SUFU: variants seen among roughly 807,000 people sequenced by gnomAD.
SUFU encodes the protein suppressor of fused homolog.
A neutral mutation model predicts 58.9 loss-of-function variants in SUFU; 7 were observed. The observed-to-expected ratio is 0.12, with a 90% CI of 0.07 to 0.22. The LOEUF (loss-of-function observed/expected upper bound fraction) is 0.22, where lower values mean the gene tolerates loss of function less well. Ranked by LOEUF, SUFU falls within the 10% of genes least tolerant of loss-of-function variation. SUFU has a pLI of 1.00. For synonymous variants in SUFU, 232 were observed against 254.8 expected, an observed-to-expected ratio of 0.91 and a Z score of 0.85; for missense variants, 451 against 641.3, an observed-to-expected ratio of 0.70 and a Z score of 3.20.
intron 2 of SUFU, among the ~76,000 whole-genome samples, chr10:102,532,989 G>A (rs2062693046): frequency 6.6e-6 from 1 of 152,180 alleles, no homozygotes; most frequent in Admixed American, 6.5e-5. Context: ...AGTGAAGGAT[G>A]CAGAAGGCTA....
chr10:102,546,104 A>ACC (rs2062851965), intron 2 of SUFU, among the ~76,000 whole-genome samples: 1 of 152,182 alleles, frequency 6.6e-6, no homozygotes, highest in Non-Finnish European at 1.5e-5. Context: ...TCTGATGGTC[A>ACC]GGCTGTTGTG....
chr10:102,536,701 A>C (rs1317738602), intron 2 of SUFU, among the ~76,000 whole-genome samples: 1 of 152,008 alleles, frequency 6.6e-6, no homozygotes, highest in Non-Finnish European at 1.5e-5. Context: ...CTCACATTTA[A>C]AATTTCGTAT....
intron 3 of SUFU, chr10:102,573,002 T>C (rs142145713): frequency 1.6e-6 from 2 of 1,282,620 alleles, no homozygotes; most frequent in Non-Finnish European, 2.2e-6. Context: ...AACTTGATGA[T>C]AGCATAGTGG....
Position 102,625,062 on chromosome 10 carries a change from G to A in SUFU, c.1297-2113G>A, listed in dbSNP as rs1000419369. 2.6e-5 allele frequency among the ~76,000 whole-genome samples: 4 copies of A among 152,200 alleles called. No individual in the cohort carries two copies. The highest frequency in any genetic ancestry group is 1.3e-4 in the Admixed American group (2 of 15,278). ...ATTTGCAGAGATGGCAACGAGCCCC[G>A]GAAATGCCAAAAATATGAATGTAAC... On this transcript the variant is annotated intron_variant, in intron 10 of 11. Coordinates refer to ENST00000369902, the MANE Select transcript of SUFU (RefSeq NM_016169.4). The surrounding 1 kb of genome is among the most constrained non-coding windows in gnomAD (Gnocchi z 4.7).
At chr10:102,536,019 A>T (rs2062736326) in intron 2 of SUFU, among the ~76,000 whole-genome samples, 1 of 152,096 alleles carries the variant, frequency 6.6e-6, no homozygotes, top group African/African-American at 2.4e-5. Context: ...CTTCGGTTAG[A>T]GTGCAGTGGC....
intron 2 of SUFU, among the ~76,000 whole-genome samples, chr10:102,523,734 C>T (rs375208891): frequency 1.5e-4 from 23 of 152,174 alleles, no homozygotes; most frequent in Middle Eastern, 3.4e-3. Flanking sequence ...GGAAGATGGT[C>T]GCTGAGCAGG....
chr10:102,509,596 G>A (rs897598548), intron 2 of SUFU, among the ~76,000 whole-genome samples: 11 of 152,274 alleles, frequency 7.2e-5, no homozygotes, highest in South Asian at 2.1e-4. Flanking sequence ...CAGAACTTGG[G>A]CTGATGCCTC....
chr10:102,537,604 C>G (rs1014096645), intron 2 of SUFU, among the ~76,000 whole-genome samples: 1 of 152,168 alleles, frequency 6.6e-6, no homozygotes, highest in African/African-American at 2.4e-5. Context: ...TTATTTCTGT[C>G]TCTATGAATG....
intron 2 of SUFU, among the ~76,000 whole-genome samples, chr10:102,529,586 A>G (rs921545438): frequency 1.3e-5 from 2 of 152,172 alleles, no homozygotes; most frequent in Non-Finnish European, 2.9e-5. Flanking sequence ...AGCCTGGCCA[A>G]TATGGAAGGC....
intron 2 of SUFU, among the ~76,000 whole-genome samples, chr10:102,539,092 C>G (rs1319925747): frequency 6.6e-6 from 1 of 152,222 alleles, no homozygotes; most frequent in Non-Finnish European, 1.5e-5. Flanking sequence ...GTGGGGCTTT[C>G]AGTTCTAAAG....
At chr10:102,612,282 C>G (rs569484646) in intron 8 of SUFU, among the ~76,000 whole-genome samples, 14 of 151,850 alleles carry the variant, frequency 9.2e-5, no homozygotes, top group Non-Finnish European at 1.8e-4. Flanking sequence ...ACCCAAGCTC[C>G]AGGACTGCAA....
At position 102,613,657 on chromosome 10, in the gene SUFU, GA is replaced by G. The variant is rs528041875; in HGVS notation, c.1023-1610del. ...AGAGCTTCTCACCCAGTTTTTGATG[GA>G]CACTTGGGGAATTGTTCTGAGATTC... On this transcript the variant is annotated intron_variant, in intron 8 of 11. Transcript: ENST00000369902. 1.8e-3 allele frequency among the ~76,000 whole-genome samples: 273 copies of G among 152,356 alleles called. 1 individual carries two copies. The highest frequency in any genetic ancestry group is 6.1e-3 in the African/African-American group (255 of 41,580).
At chr10:102,594,804 C>T (rs1433467848) in intron 6 of SUFU, among the ~76,000 whole-genome samples, 1 of 152,108 alleles carries the variant, frequency 6.6e-6, no homozygotes, top group Non-Finnish European at 1.5e-5. Flanking sequence ...CTGCAGCCTC[C>T]GCCTCCCAGG....
chr10:102,619,289 C>G lies in SUFU; in HGVS notation c.1296+1861C>G. On this transcript the variant is annotated intron_variant, in intron 10 of 11. Coordinates refer to ENST00000369902, the MANE Select transcript of SUFU (RefSeq NM_016169.4). This position sits in a 1 kb window ranked among gnomAD's most constrained non-coding sequence, Gnocchi z 4.2. ...CTGCCGGGGTTCCCACTCCCAGTGCCACAACCCCCTCACCTCCCTGGCAGC... is the reference window on the plus strand; with the variant it reads ...CTGCCGGGGTTCCCACTCCCAGTGCGACAACCCCCTCACCTCCCTGGCAGC... The G allele has an allele frequency of 1.4e-6, 2 of 1,451,708 alleles. No individual in the cohort carries two copies. Among genetic ancestry groups the G allele is most frequent in the Non-Finnish European group, 1.8e-6 (2 of 1,104,708 alleles). The allele number at this position is 1,451,708 out of a possible 1,614,324, so 89.9% of individuals were successfully genotyped here. A position where few individuals can be genotyped will look rare whatever the true frequency, so the allele number is the denominator to read the frequency against.
In SUFU at chr10:102,617,551, G is replaced by A. The variant is rs2063699942; in HGVS notation, c.1296+123G>A. The A allele has an allele frequency of 7.2e-7, 1 of 1,388,744 alleles. No homozygotes were observed. Among genetic ancestry groups the A allele is most frequent in the Admixed American group, 1.8e-5 (1 of 56,476 alleles). 86.0% of individuals were successfully genotyped at this position (1,388,744 alleles called of 1,614,324 possible). The stretch of plus-strand genomic sequence containing the variant: ...GGGGGGCTGGTCATGAATGCCTCAT[G>A]GATTCAGGGCCTGGGGCCTGTGTGT... On this transcript the variant is annotated intron_variant, in intron 10 of 11. Coordinates refer to ENST00000369902, the MANE Select transcript of SUFU (RefSeq NM_016169.4). The surrounding 1 kb of genome is among the most constrained non-coding windows in gnomAD (Gnocchi z 4.4).
chr10:102,619,427 A>G lies in SUFU; in HGVS notation c.1296+1999A>G, dbSNP rs1197655573. 5.2e-6 allele frequency: 7 copies of G among 1,334,616 alleles called. No homozygotes were observed. The Admixed American group carries it at 9.6e-5, about 18-fold the overall frequency. The allele number at this position is 1,334,616 out of a possible 1,614,324, so 82.7% of individuals were successfully genotyped here. On this transcript the variant is annotated intron_variant, in intron 10 of 11. Coordinates refer to ENST00000369902, the MANE Select transcript of SUFU (RefSeq NM_016169.4). The surrounding 1 kb of genome is among the most constrained non-coding windows in gnomAD (Gnocchi z 4.2). ...GTGGGAACGAGCTGCTGGCCTCGGC[A>G]TGTTTCAATAAAGTTGCTGTGCTGG...
At chr10:102,608,533 T>G (rs2063586417) in intron 8 of SUFU, among the ~76,000 whole-genome samples, 1 of 152,176 alleles carries the variant, frequency 6.6e-6, no homozygotes, top group Middle Eastern at 3.2e-3. Context: ...GAGAATCATC[T>G]GACAGCCCCC....
intron 3 of SUFU, among the ~76,000 whole-genome samples, chr10:102,557,709 G>A (rs1358116075): frequency 6.6e-6 from 1 of 152,108 alleles, no homozygotes; most frequent in Non-Finnish European, 1.5e-5. Flanking sequence ...TGATCTGTAT[G>A]TTCAAATGGG....
chr10:102,539,021 CAG>C (rs1395516316), intron 2 of SUFU, among the ~76,000 whole-genome samples: 1 of 152,172 alleles, frequency 6.6e-6, no homozygotes, highest in East Asian at 1.9e-4. Flanking sequence ...GCGGGTCAGA[CAG>C]TGGACACTTC....
Sources: allele counts gnomAD v4.1 joint callset (sites outside exome capture counted in the v4.1 genomes callset), GRCh38; gene constraint gnomAD v4.1.1; non-coding constraint Gnocchi (gnomAD v3.1); transcripts MANE v1.5; gene names NCBI Gene and HGNC (gene_info 2026-07-23, HGNC 2026-07-21).